Variants in KIFAP3 observed in about 807,000 individuals in gnomAD.
KIFAP3 encodes the protein kinesin-associated protein 3.
Under a neutral mutation model 106.5 loss-of-function variants are expected in KIFAP3, and 68 were observed. The ratio of observed to expected loss-of-function variants is 0.64; its 90% CI spans 0.53 to 0.78. KIFAP3 has a LOEUF of 0.78. Ranked by LOEUF, KIFAP3 falls within the 30% of genes least tolerant of loss-of-function variation. The probability of loss-of-function intolerance (pLI) is 0.00; values close to 1 mark genes in which losing one functional copy is unlikely to be tolerated. For synonymous variants in KIFAP3, 320 were observed against 311.5 expected, an observed-to-expected ratio of 1.03 and a Z score of -0.29; for missense variants, 780 against 941.8, an observed-to-expected ratio of 0.83 and a Z score of 2.25.
intron 10 of KIFAP3, among the ~76,000 whole-genome samples, chr1:170,013,192 T>C (rs1323498834): frequency 6.6e-6 from 1 of 152,110 alleles, no homozygotes; most frequent in African/African-American, 2.4e-5. Flanking sequence ...CTGTGAGTAA[T>C]AAATTTCTGT....
chr1:169,982,957 GA>G, intron 13 of KIFAP3, 90 bp from the exon 14 acceptor site: 1 of 759,002 alleles, frequency 1.3e-6, no homozygotes, highest in Non-Finnish European at 1.9e-6. Context: ...CTCATTGAAA[GA>G]AAAAGTAAAT....
intron 3 of KIFAP3, among the ~76,000 whole-genome samples, chr1:170,045,151 A>G (rs1670177708): frequency 6.6e-6 from 1 of 152,184 alleles, no homozygotes; most frequent in African/African-American, 2.4e-5. Flanking sequence ...GACTGCTTTG[A>G]GGAGTTGACA....
chr1:170,021,997 T>C (rs913711972), intron 9 of KIFAP3, among the ~76,000 whole-genome samples: 3 of 140,212 alleles, frequency 2.1e-5, no homozygotes, highest in African/African-American at 8.0e-5. Flanking sequence ...TCGCCCAGGC[T>C]GGAGTGCAGT....
In KIFAP3 at chr1:170,046,859, G is replaced by A; in HGVS notation, c.172C>T (p.Leu58Phe). The A allele has an allele frequency of 6.3e-7, 1 of 1,599,466 alleles. No individual in the cohort carries two copies. The highest frequency in any genetic ancestry group is 1.3e-5 in the African/African-American group (1 of 74,564). Residue 58 changes from leucine (L) to phenylalanine (F), a missense_variant, in exon 3 of 20, where the codon CTT becomes TTT. Coordinates refer to ENST00000361580, the MANE Select transcript of KIFAP3 (RefSeq NM_014970.4). ...ERKECQKIIR[L>F]KSLNANTDIT... Reference sequence around the variant, plus strand: ...TCTGTGTTGGCATTGAGACTCTTAAGTCGAATGCTGTAAGTATAACAGAAT... The same window carrying A: ...TCTGTGTTGGCATTGAGACTCTTAAATCGAATGCTGTAAGTATAACAGAAT...
rs886866614 is a variant in KIFAP3 at position 170,066,184 on chromosome 1, C to G, written c.32+8252G>C. Among the ~76,000 whole-genome samples the G allele has an allele frequency of 1.6e-3, 241 of 150,260 alleles. 2 individuals are homozygous for G. Among genetic ancestry groups the G allele is most frequent in the Non-Finnish European group, 2.9e-3 (196 of 67,644 alleles). On this transcript the variant is annotated intron_variant, in intron 1 of 19. Coordinates refer to ENST00000361580, the MANE Select transcript of KIFAP3 (RefSeq NM_014970.4). ...CAGGTCTATTGCCTACACCCCCCCCCCCATTCTTTATGTTATAGCTGTCAT... is the reference window on the plus strand; with the variant it reads ...CAGGTCTATTGCCTACACCCCCCCCGCCATTCTTTATGTTATAGCTGTCAT...
chr1:170,004,228 C>T (rs1046170514), intron 10 of KIFAP3, among the ~76,000 whole-genome samples: 22 of 152,026 alleles, frequency 1.4e-4, no homozygotes, highest in African/African-American at 5.3e-4. Flanking sequence ...AATGGAAGAA[C>T]ATTCCATGCT....
Position 169,992,059 on chromosome 1 carries a change from A to C in KIFAP3, c.1284+96T>G, listed in dbSNP as rs1048649128. The C allele has an allele frequency of 2.2e-5, 11 of 501,274 alleles. No homozygotes were observed. The Middle Eastern group carries it at 1.7e-3, about 77-fold the overall frequency. 31.1% of individuals were successfully genotyped at this position (501,274 alleles called of 1,614,324 possible). On this transcript the variant is annotated intron_variant, in intron 11 of 19. Coordinates refer to ENST00000361580, the MANE Select transcript of KIFAP3 (RefSeq NM_014970.4). The stretch of plus-strand genomic sequence containing the variant: ...AATTTGTAGTATTATTAAGAAGAGA[A>C]CTTTTTTAGAGAGAAAATCTTGACA...
At chr1:170,074,703 G>A (rs958803928), upstream of KIFAP3, 1 of 1,403,760 alleles carries the variant, frequency 7.1e-7, no homozygotes, top group Non-Finnish European at 9.3e-7. Context: ...CCTAAGCCGG[G>A]CCGTCACGAC....
intron 9 of KIFAP3, 92 bp downstream of exon 9, chr1:170,024,326 G>T (rs528145541): frequency 4.2e-6 from 3 of 707,622 alleles, no homozygotes; most frequent in Non-Finnish European, 6.8e-6. Flanking sequence ...GAATTATCTC[G>T]GTAGGGGAAT....
intron 19 of KIFAP3, among the ~76,000 whole-genome samples, chr1:169,926,018 T>G (rs1002222085): frequency 6.6e-6 from 1 of 152,198 alleles, no homozygotes. Flanking sequence ...AATTATTTTT[T>G]CAAAGGCTCA....
intron 2 of KIFAP3, among the ~76,000 whole-genome samples, chr1:170,049,889 C>A (rs971186714): frequency 1.1e-4 from 16 of 151,132 alleles, no homozygotes; most frequent in East Asian, 3.9e-4. Flanking sequence ...GAGAAAAAAA[C>A]CAGCGCAAAA....
intron 2 of KIFAP3, among the ~76,000 whole-genome samples, chr1:170,047,797 C>G (rs942000322): frequency 6.6e-6 from 1 of 152,104 alleles, no homozygotes; most frequent in Non-Finnish European, 1.5e-5. Flanking sequence ...ATTAAGAAAC[C>G]ATTATTAAGA....
intron 18 of KIFAP3, among the ~76,000 whole-genome samples, chr1:169,959,820 A>G (rs1665219769): frequency 6.6e-6 from 1 of 152,126 alleles, no homozygotes; most frequent in South Asian, 2.1e-4. Context: ...TACTTCATGA[A>G]TACTGAATAT....
chr1:169,981,904 T>G (rs1305802703), intron 15 of KIFAP3, 68 bp downstream of exon 15: 1 of 1,291,180 alleles, frequency 7.7e-7, no homozygotes, highest in Non-Finnish European at 1.1e-6. Flanking sequence ...ACTCTGCATT[T>G]TATATTTAAA....
chr1:170,000,070 T>C (rs1667580766), intron 10 of KIFAP3, among the ~76,000 whole-genome samples: 1 of 152,180 alleles, frequency 6.6e-6, no homozygotes, highest in Non-Finnish European at 1.5e-5. Flanking sequence ...TGTGAAGTGA[T>C]CAGTAAAAAC....
intron 19 of KIFAP3, among the ~76,000 whole-genome samples, chr1:169,947,490 T>C (rs1432037190): frequency 1.3e-5 from 2 of 151,966 alleles, no homozygotes; most frequent in Non-Finnish European, 2.9e-5. Context: ...ATTAGGGACT[T>C]ATGCAAATGT....
At chr1:169,993,626 CAGGTGATTT>C (rs879370341) in intron 10 of KIFAP3, among the ~76,000 whole-genome samples, 61,680 of 89,694 alleles carry the variant, frequency 0.69, 30,805 homozygotes, top group African/African-American at 0.73. Flanking sequence ...AAGCTTCAGG[CAGGTGATTT>C]GCTTGTACCC....
chr1:169,989,935 A>T, intron 11 of KIFAP3: 1 of 979,628 alleles, frequency 1.0e-6, no homozygotes, highest in Non-Finnish European at 1.4e-6. Flanking sequence ...ACATGCATTT[A>T]ATAATTCTTT....
intron 10 of KIFAP3, among the ~76,000 whole-genome samples, chr1:169,997,200 A>G (rs1667408569): frequency 6.6e-6 from 1 of 152,194 alleles, no homozygotes; most frequent in African/African-American, 2.4e-5. Flanking sequence ...TCTGTGTTTC[A>G]GTTTCATCAT....
Sources: allele counts gnomAD v4.1 joint callset (sites outside exome capture counted in the v4.1 genomes callset), GRCh38; gene constraint gnomAD v4.1.1; transcripts MANE v1.5; gene names NCBI Gene and HGNC (gene_info 2026-07-23, HGNC 2026-07-21).